The following MTCH2 variants were observed in gnomAD, a reference collection of about 807,000 sequenced individuals.
The protein encoded by MTCH2 is mitochondrial carrier homolog 2.
MTCH2 carries 25 observed loss-of-function variants against 50.6 expected under a neutral mutation model. The observed-to-expected ratio is 0.49, with a 90% CI of 0.36 to 0.69. The LOEUF is 0.69. MTCH2 is among the 30% of genes least tolerant of loss of function. The pLI is 0.00. For missense variants in MTCH2, 273 were observed against 384.4 expected, an observed-to-expected ratio of 0.71 and a Z score of 2.42; for synonymous variants, 106 against 132.0, an observed-to-expected ratio of 0.80 and a Z score of 1.35.
At chr11:47,620,811 T>C (rs1364059529) in intron 12 of MTCH2, among the ~76,000 whole-genome samples, 4 of 152,344 alleles carry the variant, frequency 2.6e-5, no homozygotes, top group East Asian at 1.9e-4. Flanking sequence ...TTTCTTCATA[T>C]GTGAAATGGG....
intron 11 of MTCH2, among the ~76,000 whole-genome samples, chr11:47,623,620 T>C (rs2097295338): frequency 6.6e-6 from 1 of 151,818 alleles, no homozygotes; most frequent in Admixed American, 6.6e-5. Flanking sequence ...TTGCCAGGAG[T>C]AACATGAAAC....
chr11:47,608,506 T>C, the MTCH2 span, among the ~76,000 whole-genome samples: 1 of 152,160 alleles, frequency 6.6e-6, no homozygotes, highest in East Asian at 1.9e-4. Flanking sequence ...TATTTATAAA[T>C]AGCCCTGTCT....
intron 1 of MTCH2, among the ~76,000 whole-genome samples, chr11:47,641,539 A>C (rs1424282065): frequency 2.0e-5 from 3 of 152,244 alleles, no homozygotes; most frequent in African/African-American, 7.2e-5. Flanking sequence ...AAAGCATAAA[A>C]AAAAGAATGA....
chr11:47,610,838 C>T, the MTCH2 span, among the ~76,000 whole-genome samples: 2 of 152,084 alleles, frequency 1.3e-5, no homozygotes, highest in Non-Finnish European at 2.9e-5. Context: ...ATCATCCTGC[C>T]ACCCAAGATC....
At chr11:47,636,676 G>A (rs1167474836) in intron 3 of MTCH2, among the ~76,000 whole-genome samples, 1 of 151,828 alleles carries the variant, frequency 6.6e-6, no homozygotes, top group Non-Finnish European at 1.5e-5. Context: ...AAGCTGCAGT[G>A]AGCCGAGACC....
At chr11:47,624,375 G>T (rs766360417) in intron 11 of MTCH2, among the ~76,000 whole-genome samples, 3 of 151,996 alleles carry the variant, frequency 2.0e-5, no homozygotes, top group Non-Finnish European at 2.9e-5. Flanking sequence ...ACTTTCCATA[G>T]ACTAAATATC....
chr11:47,617,314 G>C (rs2097289074), downstream of MTCH2: 1 of 152,160 alleles, frequency 6.6e-6, no homozygotes, highest in African/African-American at 2.4e-5. Context: ...GATAAACATG[G>C]CACATTTTCC....
chr11:47,606,394 G>T, the MTCH2 span, among the ~76,000 whole-genome samples: 1 of 152,054 alleles, frequency 6.6e-6, no homozygotes, highest in Non-Finnish European at 1.5e-5. Context: ...ATCTTTTATT[G>T]TCTGCACCTT....
At chr11:47,622,337 G>T (rs1232086344) in intron 12 of MTCH2, among the ~76,000 whole-genome samples, 1 of 152,138 alleles carries the variant, frequency 6.6e-6, no homozygotes, top group African/African-American at 2.4e-5. Context: ...CAAATAAGTG[G>T]TTATGAAAGG....
chr11:47,640,187 G>A (rs1452186436), intron 1 of MTCH2, among the ~76,000 whole-genome samples: 2 of 151,910 alleles, frequency 1.3e-5, no homozygotes, highest in African/African-American at 4.8e-5. Flanking sequence ...AAATTAGCCA[G>A]GTGTGGTGGC....
the MTCH2 span, among the ~76,000 whole-genome samples, chr11:47,611,563 A>G: frequency 2.6e-5 from 4 of 152,250 alleles, no homozygotes; most frequent in African/African-American, 9.6e-5. Flanking sequence ...TGCCTTGGCG[A>G]GGCAGAGGCT....
At chr11:47,632,828 A>G (rs2097304412) in intron 5 of MTCH2, among the ~76,000 whole-genome samples, 1 of 151,690 alleles carries the variant, frequency 6.6e-6, no homozygotes, top group Non-Finnish European at 1.5e-5. Context: ...CCTCCTGAGT[A>G]GCTGGGATTA....
chr11:47,614,074 AAAACAAAC>A (rs60286227), downstream of MTCH2, among the ~76,000 whole-genome samples: 58 of 151,412 alleles, frequency 3.8e-4, no homozygotes, highest in African/African-American at 1.1e-3. Flanking sequence ...CCTTGTCTCA[AAAACAAAC>A]AAACAAACAA....
At chr11:47,638,514 C>A (rs2097310852) in intron 3 of MTCH2, among the ~76,000 whole-genome samples, 185 bp downstream of exon 3, 1 of 118,966 alleles carries the variant, frequency 8.4e-6, no homozygotes, top group African/African-American at 3.3e-5. Context: ...CCACTACACT[C>A]CAGCCTGGGC....
At chr11:47,626,070 G>T (rs1018354489) in intron 10 of MTCH2, among the ~76,000 whole-genome samples, 1 of 151,902 alleles carries the variant, frequency 6.6e-6, no homozygotes, top group Admixed American at 6.6e-5. Context: ...GAGTGTAATG[G>T]TGTGATATTG....
At chr11:47,636,309 C>G (rs1413897677) in intron 3 of MTCH2, among the ~76,000 whole-genome samples, 3 of 152,020 alleles carry the variant, frequency 2.0e-5, no homozygotes, top group African/African-American at 7.2e-5. Flanking sequence ...TGGCGGGCGC[C>G]TGTAATCCCA....
chr11:47,607,306 C>G, the MTCH2 span, among the ~76,000 whole-genome samples: 1 of 152,176 alleles, frequency 6.6e-6, no homozygotes, highest in South Asian at 2.1e-4. Context: ...GTCACATGTT[C>G]TGGGTGAACT....
the MTCH2 span, among the ~76,000 whole-genome samples, chr11:47,605,220 G>C: frequency 6.6e-6 from 1 of 152,128 alleles, no homozygotes; most frequent in Non-Finnish European, 1.5e-5. Flanking sequence ...GAGCCACCGT[G>C]CCCGGCTGTC....
intron 5 of MTCH2, among the ~76,000 whole-genome samples, chr11:47,633,534 T>A (rs71475928): frequency 0.075 from 1,662 of 22,160 alleles, 12 homozygotes; most frequent in Middle Eastern, 0.14. Flanking sequence ...ATATTTTTTT[T>A]TTTTTTTTTT....
Sources: gnomAD v4.1 joint callset for allele counts (sites outside exome capture counted in the v4.1 genomes callset) on GRCh38, gnomAD v4.1.1 for gene constraint, MANE v1.5 for transcripts, NCBI Gene and HGNC (gene_info 2026-07-23, HGNC 2026-07-21) for gene names.